NR2C1: variants seen among roughly 807,000 people sequenced by gnomAD.
NR2C1 encodes the protein TR2 nuclear hormone receptor.
NR2C1 carries 33 observed loss-of-function variants against 74.8 expected under a neutral mutation model. The observed-to-expected ratio is 0.44, with a 90% CI of 0.33 to 0.59. The LOEUF is 0.59. NR2C1 is among the 20% of genes least tolerant of loss of function. The pLI, the probability that NR2C1 is intolerant of heterozygous loss-of-function variation, is 0.02. For missense variants in NR2C1, 568 were observed against 715.6 expected, an observed-to-expected ratio of 0.79 and a Z score of 2.35; for synonymous variants, 225 against 240.6, an observed-to-expected ratio of 0.94 and a Z score of 0.60.
chr12:95,025,501 A>T (rs1326602756), intron 12 of NR2C1, among the ~76,000 whole-genome samples: 1 of 151,786 alleles, frequency 6.6e-6, no homozygotes, highest in Non-Finnish European at 1.5e-5. Flanking sequence ...TCTACTAAAA[A>T]TACAAAATTA....
intron 7 of NR2C1, among the ~76,000 whole-genome samples, chr12:95,052,908 TCA>T (rs1873234602): frequency 6.6e-6 from 1 of 152,102 alleles, no homozygotes; most frequent in Non-Finnish European, 1.5e-5. Flanking sequence ...AAGAAATAGA[TCA>T]GTTACCCATT....
At chr12:95,040,799 C>G (rs17023592) in intron 9 of NR2C1, among the ~76,000 whole-genome samples, 3,026 of 152,202 alleles carry the variant, frequency 0.02, 93 homozygotes, top group African/African-American at 0.069. Flanking sequence ...TTCTAACAAG[C>G]CAATATTTAG....
rs371879436 is a variant in NR2C1, at chr12:95,046,521, G to A, written c.1131+2547C>T. ...GAGAATCCCTTGAGCCCAGGAGGTC[G>A]AGGCTGCAGTGAGCTGTGATTATGC... On this transcript the variant is annotated intron_variant, in intron 9 of 13. Transcript: ENST00000333003. 2.7e-4 allele frequency among the ~76,000 whole-genome samples: 41 copies of A among 152,248 alleles called. 4 individuals carry two copies. The highest frequency in any genetic ancestry group is 1.5e-3 in the East Asian group (8 of 5,174).
At chr12:95,040,248 A>G (rs1418140461) in intron 10 of NR2C1, among the ~76,000 whole-genome samples, 1 of 152,176 alleles carries the variant, frequency 6.6e-6, no homozygotes, top group Non-Finnish European at 1.5e-5. Flanking sequence ...ATCATATTCC[A>G]TCCAAATTCT....
At chr12:95,025,070 TGA>T (rs1417798976) in intron 13 of NR2C1, 78 bp downstream of exon 13, 2 of 594,940 alleles carry the variant, frequency 3.4e-6, no homozygotes, top group Non-Finnish European at 2.8e-6. Context: ...TTAATTATTG[TGA>T]GAGTAGTAAT....
chr12:95,034,386 TA>T (rs1870553933), intron 10 of NR2C1, among the ~76,000 whole-genome samples: 2 of 152,094 alleles, frequency 1.3e-5, no homozygotes, highest in African/African-American at 2.4e-5. Context: ...TCAAAGGAGA[TA>T]AAAATAAAGG....
At chr12:95,064,290 A>G (rs1000414584) in intron 2 of NR2C1, among the ~76,000 whole-genome samples, 3 of 149,134 alleles carry the variant, frequency 2.0e-5, no homozygotes, top group Admixed American at 6.8e-5. Flanking sequence ...GATCGCGCCA[A>G]TGCACTCCAG....
At chr12:95,023,516 A>G (rs1869001265) in intron 13 of NR2C1, among the ~76,000 whole-genome samples, 1 of 152,246 alleles carries the variant, frequency 6.6e-6, no homozygotes, top group African/African-American at 2.4e-5. Flanking sequence ...AATAGTTGCT[A>G]TTACTGGGAA....
At chr12:95,046,349 G>A (rs1290640268) in intron 9 of NR2C1, among the ~76,000 whole-genome samples, 1 of 152,204 alleles carries the variant, frequency 6.6e-6, no homozygotes. Context: ...ACTTCGGGAG[G>A]CCGAAGTGAG....
intron 7 of NR2C1, among the ~76,000 whole-genome samples, chr12:95,054,934 G>A (rs572958075): frequency 5.4e-4 from 82 of 152,154 alleles, no homozygotes; most frequent in Non-Finnish European, 1.1e-3. Flanking sequence ...CTGGGTACTT[G>A]AGATTAGGGA....
At chr12:95,051,207 A>AT (rs1872956748) in intron 8 of NR2C1, among the ~76,000 whole-genome samples, 1 of 152,180 alleles carries the variant, frequency 6.6e-6, no homozygotes, top group South Asian at 2.1e-4. Context: ...CACCAACATG[A>AT]TGCCACAAGT....
intron 1 of NR2C1, among the ~76,000 whole-genome samples, chr12:95,068,746 A>G (rs1876119886): frequency 6.6e-6 from 1 of 151,768 alleles, no homozygotes; most frequent in South Asian, 2.1e-4. Context: ...GTGAGCCGAG[A>G]TTGCACCATT....
At chr12:95,068,336 A>G (rs76966409) in intron 1 of NR2C1, among the ~76,000 whole-genome samples, 1 of 152,342 alleles carries the variant, frequency 6.6e-6, no homozygotes, top group South Asian at 2.1e-4. Context: ...AATATACTCA[A>G]TTCTGAGGTA....
intron 7 of NR2C1, among the ~76,000 whole-genome samples, chr12:95,056,928 T>G (rs1409471420): frequency 1.4e-5 from 2 of 141,256 alleles, no homozygotes; most frequent in Non-Finnish European, 3.0e-5. Flanking sequence ...CACTGCACTC[T>G]AGCCTCGGCA....
intron 10 of NR2C1, among the ~76,000 whole-genome samples, chr12:95,036,793 G>A (rs1275855576): frequency 3.9e-5 from 6 of 152,112 alleles, no homozygotes; most frequent in Non-Finnish European, 5.9e-5. Context: ...TTACAGGCAT[G>A]AGCCACCAGG....
chr12:95,050,981 C>T (rs1020168083), intron 8 of NR2C1, among the ~76,000 whole-genome samples: 7 of 152,236 alleles, frequency 4.6e-5, no homozygotes, highest in African/African-American at 1.4e-4. Context: ...ACATCTTCAT[C>T]TTTAGAAGAA....
intron 3 of NR2C1, among the ~76,000 whole-genome samples, chr12:95,061,323 T>C (rs1229166750): frequency 6.6e-6 from 1 of 152,202 alleles, no homozygotes; most frequent in Non-Finnish European, 1.5e-5. Context: ...TGTATCAGTA[T>C]TGCTCATTAA....
chr12:95,030,762 T>G, intron 11 of NR2C1: 1 of 1,609,622 alleles, frequency 6.2e-7, no homozygotes, highest in Non-Finnish European at 8.5e-7. Context: ...TTTTCCCCAT[T>G]TGTTGATGGG....
chr12:95,022,764 G>A (rs1868910564), intron 13 of NR2C1, among the ~76,000 whole-genome samples: 1 of 151,148 alleles, frequency 6.6e-6, no homozygotes, highest in African/African-American at 2.4e-5. Context: ...AGTGGTGTGA[G>A]CTCACTGCAG....
Sources: gnomAD v4.1 joint callset for allele counts (sites outside exome capture counted in the v4.1 genomes callset) on GRCh38, gnomAD v4.1.1 for gene constraint, MANE v1.5 for transcripts, NCBI Gene and HGNC (gene_info 2026-07-23, HGNC 2026-07-21) for gene names.